The following NR2E1 variants were observed in gnomAD, a reference collection of about 807,000 sequenced individuals.
NR2E1 encodes nuclear receptor TLX.
NR2E1 carries 5 observed loss-of-function variants against 43.6 expected under a neutral mutation model. The observed-to-expected ratio is 0.11, with a 90% CI of 0.06 to 0.24. The LOEUF (loss-of-function observed/expected upper bound fraction) is 0.24. Among genes scored for constraint, NR2E1 ranks in the 10% least tolerant of loss-of-function variants. The probability of loss-of-function intolerance (pLI) is 1.00; values close to 1 mark genes in which losing one functional copy is unlikely to be tolerated. For synonymous variants in NR2E1, 191 were observed against 195.5 expected, an observed-to-expected ratio of 0.98 and a Z score of 0.19; for missense variants, 287 against 496.7, an observed-to-expected ratio of 0.58 and a Z score of 4.01.
intron 7 of NR2E1, among the ~76,000 whole-genome samples, 169 bp downstream of exon 7, chr6:108,181,125 C>T (rs1393383124): frequency 6.6e-6 from 1 of 152,158 alleles, no homozygotes; most frequent in Non-Finnish European, 1.5e-5. Context: ...CCTGCATGTT[C>T]TGCTGGGCAT....
chr6:108,177,300 C>T (rs1181366724), intron 4 of NR2E1, among the ~76,000 whole-genome samples: 1 of 152,260 alleles, frequency 6.6e-6, no homozygotes, highest in African/African-American at 2.4e-5. Flanking sequence ...CCATGCTCCC[C>T]TCACCTACTT....
intron 2 of NR2E1, 132 bp from the exon 3 acceptor site, chr6:108,174,704 C>T: frequency 2.8e-6 from 2 of 722,532 alleles, no homozygotes; most frequent in Non-Finnish European, 4.9e-6. Flanking sequence ...GTTTTGCAGG[C>T]CCAGGCTCGG....
rs562480606 is a variant in NR2E1, at chr6:108,187,137, A to C, written c.996-164A>C. Among the ~76,000 whole-genome samples the C allele has an allele frequency of 1.6e-4, 25 of 152,296 alleles. 1 individual carries two copies. The South Asian group carries it at 3.1e-3, about 19-fold the overall frequency. ...TCCCTGCCTCAAGTAGTCTACCTGC[A>C]AAACGGGGACAACAGTGCCTGTCCA... On this transcript the variant is annotated intron_variant, in intron 8 of 8. Coordinates refer to ENST00000368986, the MANE Select transcript of NR2E1 (RefSeq NM_003269.5).
At chr6:108,178,738 T>G in intron 5 of NR2E1, 1 of 227,440 alleles carries the variant, frequency 4.4e-6, no homozygotes, top group South Asian at 6.8e-5. Flanking sequence ...GATAAGCATG[T>G]AAAACCAAAG....
At chr6:108,183,398 A>G (rs1774023208) in intron 8 of NR2E1, among the ~76,000 whole-genome samples, 1 of 152,208 alleles carries the variant, frequency 6.6e-6, no homozygotes, top group Non-Finnish European at 1.5e-5. Context: ...TTAAAAAAAA[A>G]GCCAGGCTTT....
In NR2E1 at chr6:108,169,830, C is replaced by A. The variant is rs567345126; in HGVS notation, c.26-1628C>A. On this transcript the variant is annotated intron_variant, in intron 1 of 8. Coordinates refer to ENST00000368986, the MANE Select transcript of NR2E1 (RefSeq NM_003269.5). This position sits in a 1 kb window ranked among gnomAD's most constrained non-coding sequence, Gnocchi z 6.1. ...CGCCGCGCCGCGCGCCTCCCCTGCCCGCCTTTGTCGCCGTCCGAATTCCCA... is the reference window on the plus strand; with the variant it reads ...CGCCGCGCCGCGCGCCTCCCCTGCCAGCCTTTGTCGCCGTCCGAATTCCCA... Among the ~76,000 whole-genome samples, 3 of 152,228 alleles carry A rather than the reference C, an allele frequency of 2.0e-5. No homozygotes were observed. In the South Asian group the frequency reaches 6.2e-4, roughly 32 times the overall value.
chr6:108,168,224 T>TCAGGAGGCC, intron 1 of NR2E1: 1 of 1,488,456 alleles, frequency 6.7e-7, no homozygotes, highest in Non-Finnish European at 9.0e-7. Context: ...CCCAGGAGGC[T>TCAGGAGGCC]CAGGAGGCCG....
intron 1 of NR2E1, among the ~76,000 whole-genome samples, chr6:108,167,832 G>A (rs1049117719): frequency 6.6e-6 from 1 of 151,838 alleles, no homozygotes; most frequent in Admixed American, 6.6e-5. Flanking sequence ...CGCCCTCATT[G>A]TCCTGAGTCT....
chr6:108,176,427 G>A, intron 3 of NR2E1, 76 bp from the exon 4 acceptor site: 1 of 1,461,396 alleles, frequency 6.8e-7, no homozygotes, highest in Non-Finnish European at 9.5e-7. Flanking sequence ...TTGGGGCGGG[G>A]CTGGGGGGAG....
At chr6:108,175,091 G>A (rs1582444701) in intron 3 of NR2E1, among the ~76,000 whole-genome samples, 168 bp downstream of exon 3, 1 of 152,220 alleles carries the variant, frequency 6.6e-6, no homozygotes, top group African/African-American at 2.4e-5. Flanking sequence ...CTTTCAGCAG[G>A]AGCCGCTGGC....
intron 1 of NR2E1, among the ~76,000 whole-genome samples, chr6:108,167,309 G>C (rs1002974997): frequency 6.6e-6 from 1 of 152,206 alleles, no homozygotes; most frequent in Admixed American, 6.5e-5. Flanking sequence ...CTAAATCCGC[G>C]TAGGTCATAA....
At chr6:108,170,408 C>G (rs906915214) in intron 1 of NR2E1, among the ~76,000 whole-genome samples, 1 of 152,124 alleles carries the variant, frequency 6.6e-6, no homozygotes, top group African/African-American at 2.4e-5. Flanking sequence ...CCGCTTCAGG[C>G]ACTTGTTGGA....
In NR2E1 at chr6:108,187,642, G is replaced by C; in HGVS notation, c.*179G>C. 3.0e-6 allele frequency: 2 copies of C among 655,878 alleles called. No individual in the cohort carries two copies. The highest frequency in any genetic ancestry group is 5.4e-6 in the Non-Finnish European group (2 of 372,820). 40.6% of individuals were successfully genotyped at this position (655,878 alleles called of 1,614,324 possible). ...TAGCTATGACCTGCCGCCCTGACCA[G>C]GATAGGGCGGGTGGGAAGGAGAGGG... On this transcript the variant is annotated 3_prime_UTR_variant, in exon 9 of 9. Transcript: ENST00000368986.
At chr6:108,173,282 A>G in intron 2 of NR2E1, among the ~76,000 whole-genome samples, 1 of 152,258 alleles carries the variant, frequency 6.6e-6, no homozygotes. Context: ...ACTTATAAGA[A>G]TACTGGAAAG....
At chr6:108,175,010 A>G in intron 3 of NR2E1, 87 bp downstream of exon 3, 1 of 1,246,210 alleles carries the variant, frequency 8.0e-7, no homozygotes, top group Non-Finnish European at 1.2e-6. Context: ...CTATGCATGT[A>G]AATCAACCCC....
At chr6:108,186,422 G>A (rs1774076335) in intron 8 of NR2E1, among the ~76,000 whole-genome samples, 1 of 152,182 alleles carries the variant, frequency 6.6e-6, no homozygotes, top group Non-Finnish European at 1.5e-5. Flanking sequence ...TGACTCCTTC[G>A]AAGGAATTTT....
At position 108,169,372 on chromosome 6, in the gene NR2E1, C is replaced by G. The variant is rs1258589210; in HGVS notation, c.26-2086C>G. On this transcript the variant is annotated intron_variant, in intron 1 of 8. Coordinates refer to ENST00000368986, the MANE Select transcript of NR2E1 (RefSeq NM_003269.5). The surrounding 1 kb of genome is among the most constrained non-coding windows in gnomAD (Gnocchi z 6.1). ...CCACCCTGCACTGGTCTTCCCTCCA[C>G]CCTCATCGGGTTCTCCAGAGATGTT... 1.3e-5 allele frequency among the ~76,000 whole-genome samples: 2 copies of G among 152,186 alleles called. No homozygotes were observed. The highest frequency in any genetic ancestry group is 2.9e-5 in the Non-Finnish European group (2 of 68,040).
chr6:108,173,035 G>T (rs552418728), intron 2 of NR2E1, among the ~76,000 whole-genome samples: 32 of 152,218 alleles, frequency 2.1e-4, no homozygotes, highest in Non-Finnish European at 4.3e-4. Context: ...GATCTCTGAT[G>T]TTGTGCTTGA....
At chr6:108,170,201 C>T (rs1031345839) in intron 1 of NR2E1, among the ~76,000 whole-genome samples, 11 of 152,206 alleles carry the variant, frequency 7.2e-5, no homozygotes, top group Non-Finnish European at 1.5e-4. Context: ...TCGGCAGCAG[C>T]TGTCGAATTT....
Sources: allele counts gnomAD v4.1 joint callset (sites outside exome capture counted in the v4.1 genomes callset), GRCh38; gene constraint gnomAD v4.1.1; non-coding constraint Gnocchi (gnomAD v3.1); transcripts MANE v1.5; gene names NCBI Gene and HGNC (gene_info 2026-07-23, HGNC 2026-07-21).